Variants in TRAPPC5 observed in about 807,000 individuals in gnomAD.
TRAPPC5 encodes the protein trafficking protein particle complex subunit 5, also known as trafficking protein particle complex 5.
In TRAPPC5, 5 loss-of-function variants were observed where a neutral mutation model predicts 9.8. That is an observed-to-expected ratio of 0.51 (90% CI 0.27 to 1.07). TRAPPC5 has a LOEUF of 1.07. Among genes scored for constraint, TRAPPC5 ranks in the 50% least tolerant of loss-of-function variants. The probability of loss-of-function intolerance (pLI) is 0.12; values close to 1 mark genes in which losing one functional copy is unlikely to be tolerated. For synonymous variants in TRAPPC5, 146 were observed against 140.7 expected, an observed-to-expected ratio of 1.04 and a Z score of -0.26; for missense variants, 243 against 291.5, an observed-to-expected ratio of 0.83 and a Z score of 1.21.
rs771804921 is a variant in TRAPPC5 at position 7,682,215 on chromosome 19, C to T, written c.-12-27C>T. On this transcript the variant is annotated intron_variant, in intron 1 of 1. Coordinates refer to ENST00000596148, the MANE Select transcript of TRAPPC5 (RefSeq NM_001042462.2). This position sits in a 1 kb window ranked among gnomAD's most constrained non-coding sequence, Gnocchi z 8.6. ...CTGCTCCCCTTCCCATTGCCCCTGA[C>T]ACCTGCACTTCCTGGTCTCCCCGCA... is the stretch of plus-strand genomic sequence containing the variant. The T allele has an allele frequency of 1.9e-4, 259 of 1,377,890 alleles. No individual in the cohort carries two copies. Among genetic ancestry groups the T allele is most frequent in the Non-Finnish European group, 2.3e-4 (244 of 1,073,284 alleles). The allele number at this position is 1,377,890 out of a possible 1,614,324, so 85.4% of individuals were successfully genotyped here. A position where few individuals can be genotyped will look rare whatever the true frequency, so the allele number is the denominator to read the frequency against.
At position 7,682,225 on chromosome 19, in the gene TRAPPC5, T is replaced by G; in HGVS notation, c.-12-17T>G. 7.2e-7 allele frequency: 1 copy of G among 1,384,274 alleles called. No individual in the cohort carries two copies. Among genetic ancestry groups the G allele is most frequent in the South Asian group, 1.6e-5 (1 of 61,122 alleles). The allele number at this position is 1,384,274 out of a possible 1,614,324, so 85.7% of individuals were successfully genotyped here. A position where few individuals can be genotyped will look rare whatever the true frequency, so the allele number is the denominator to read the frequency against. On this transcript the variant is annotated splice_polypyrimidine_tract_variant and intron_variant, in intron 1 of 1. Transcript: ENST00000596148. The surrounding 1 kb of genome is among the most constrained non-coding windows in gnomAD (Gnocchi z 8.6). ...TCCCATTGCCCCTGACACCTGCACT[T>G]CCTGGTCTCCCCGCAGGGTGGCGGC...
At position 7,682,321 on chromosome 19, in the gene TRAPPC5, A is replaced by G. The variant is rs1398959489; in HGVS notation, c.68A>G (p.Glu23Gly). The G allele has an allele frequency of 2.0e-6, 3 of 1,529,194 alleles. No individual in the cohort carries two copies. Among genetic ancestry groups the G allele is most frequent in the East Asian group, 2.5e-5 (1 of 40,290 alleles). 94.7% of individuals were successfully genotyped at this position (1,529,194 alleles called of 1,614,324 possible). The change falls in exon 2 of 2, where the codon GAG becomes GGG. Residue 23 changes from glutamate (E) to glycine (G), a missense_variant. Glu to Gly is a moderately conservative substitution (Grantham distance 98). Coordinates refer to ENST00000596148, the MANE Select transcript of TRAPPC5 (RefSeq NM_001042462.2). The surrounding 1 kb of genome is among the most constrained non-coding windows in gnomAD (Gnocchi z 8.6). ...LERALARPRT[E>G]VSLSAFALLF... ...CGCGCGCTGGCGCGGCCGCGCACCG[A>G]GGTGAGCCTGAGCGCCTTCGCACTG...
rs961099124 is a variant in TRAPPC5, at chr19:7,687,608, G to A, written c.*4788G>A. 2 of 152,292 alleles carry A rather than the reference G, an allele frequency of 1.3e-5. No individual in the cohort carries two copies. The highest frequency in any genetic ancestry group is 6.5e-5 in the Admixed American group (1 of 15,286). 9.4% of individuals were successfully genotyped at this position (152,292 alleles called of 1,614,324 possible). On this transcript the variant is annotated 3_prime_UTR_variant, in exon 2 of 2. Coordinates refer to ENST00000596148, the MANE Select transcript of TRAPPC5 (RefSeq NM_001042462.2). ...GGGTGATCCACCGCCTTCCCCTACA[G>A]TATTCCAAGGGGCCATTGGACCTCA...
At position 7,686,562 on chromosome 19, in the gene TRAPPC5, A is replaced by C. The variant is rs1359792723; in HGVS notation, c.*3742A>C. The C allele has an allele frequency of 1.3e-5, 2 of 152,288 alleles. No homozygotes were observed. The highest frequency in any genetic ancestry group is 2.9e-5 in the Non-Finnish European group (2 of 68,132). The allele number at this position is 152,288 out of a possible 1,614,324, so 9.4% of individuals were successfully genotyped here. A position where few individuals can be genotyped will look rare whatever the true frequency, so the allele number is the denominator to read the frequency against. ...GAGATGGAGTCTCACTCTGTCGCCC[A>C]GGCTGGAGTGCAGTGGTGCGATCTC... On this transcript the variant is annotated 3_prime_UTR_variant, in exon 2 of 2. Coordinates refer to ENST00000596148, the MANE Select transcript of TRAPPC5 (RefSeq NM_001042462.2).
chr19:7,682,221 C>A lies in TRAPPC5; in HGVS notation c.-12-21C>A. The A allele has an allele frequency of 7.2e-7, 1 of 1,382,212 alleles. No homozygotes were observed. Among genetic ancestry groups the A allele is most frequent in the Non-Finnish European group, 9.3e-7 (1 of 1,075,892 alleles). The allele number at this position is 1,382,212 out of a possible 1,614,324, so 85.6% of individuals were successfully genotyped here. ...CCCTTCCCATTGCCCCTGACACCTG[C>A]ACTTCCTGGTCTCCCCGCAGGGTGG... On this transcript the variant is annotated intron_variant, in intron 1 of 1. Coordinates refer to ENST00000596148, the MANE Select transcript of TRAPPC5 (RefSeq NM_001042462.2). This position sits in a 1 kb window ranked among gnomAD's most constrained non-coding sequence, Gnocchi z 8.6.
rs2032647516 is a variant in TRAPPC5 at position 7,682,187 on chromosome 19, G to A, written c.-12-55G>A. On this transcript the variant is annotated intron_variant, in intron 1 of 1. Transcript: ENST00000596148. This position sits in a 1 kb window ranked among gnomAD's most constrained non-coding sequence, Gnocchi z 8.6. ...TCGCGGTTCTCCCTCCTTTCCTCCC[G>A]GCCTGCTCCCCTTCCCATTGCCCCT... 2.2e-6 allele frequency: 3 copies of A among 1,342,244 alleles called. No individual in the cohort carries two copies. Among genetic ancestry groups the A allele is most frequent in the African/African-American group, 1.5e-5 (1 of 64,632 alleles). 83.1% of individuals were successfully genotyped at this position (1,342,244 alleles called of 1,614,324 possible).
rs1359493011 is a variant in TRAPPC5, at chr19:7,681,042, G to C, written c.-13+164G>C. The C allele has an allele frequency of 6.6e-6, 1 of 152,274 alleles. No individual in the cohort carries two copies. Among genetic ancestry groups the C allele is most frequent in the East Asian group, 1.9e-4 (1 of 5,172 alleles). 9.4% of individuals were successfully genotyped at this position (152,274 alleles called of 1,614,324 possible). A position where few individuals can be genotyped will look rare whatever the true frequency, so the allele number is the denominator to read the frequency against. On this transcript the variant is annotated intron_variant, in intron 1 of 1. Transcript: ENST00000596148. This position sits in a 1 kb window ranked among gnomAD's most constrained non-coding sequence, Gnocchi z 8.7. ...TGCGAGGAGGGTGGGTTTCTCCCCA[G>C]TGTAGAGGTACGGGGCGAGGGTCGC...
rs181528492 is a variant in TRAPPC5 at position 7,686,584 on chromosome 19, T to C, written c.*3764T>C. 1,153 of 151,632 alleles carry C rather than the reference T, an allele frequency of 7.6e-3. 5 individuals are homozygous for C. Among genetic ancestry groups the C allele is most frequent in the Non-Finnish European group, 0.013 (876 of 67,946 alleles). 9.4% of individuals were successfully genotyped at this position (151,632 alleles called of 1,614,324 possible). A position where few individuals can be genotyped will look rare whatever the true frequency, so the allele number is the denominator to read the frequency against. On this transcript the variant is annotated 3_prime_UTR_variant, in exon 2 of 2. Coordinates refer to ENST00000596148, the MANE Select transcript of TRAPPC5 (RefSeq NM_001042462.2). ...CCCAGGCTGGAGTGCAGTGGTGCGA[T>C]CTCAGATCTCAGCCTCCTGGGTTCA...
At position 7,682,970 on chromosome 19, in the gene TRAPPC5, G is replaced by A; in HGVS notation, c.*150G>A. ...GTCCGAATGTGTTTACAGTAGAGTG[G>A]GGGCGGGTCTGGCCATAGGGTTGGG... On this transcript the variant is annotated 3_prime_UTR_variant, in exon 2 of 2. Coordinates refer to ENST00000596148, the MANE Select transcript of TRAPPC5 (RefSeq NM_001042462.2). This position sits in a 1 kb window ranked among gnomAD's most constrained non-coding sequence, Gnocchi z 8.6. 1 of 883,356 alleles carries A rather than the reference G, an allele frequency of 1.1e-6. No individual in the cohort carries two copies. Among genetic ancestry groups the A allele is most frequent in the Non-Finnish European group, 1.7e-6 (1 of 583,630 alleles). The allele number at this position is 883,356 out of a possible 1,614,324, so 54.7% of individuals were successfully genotyped here.
rs2032736134 is a variant in TRAPPC5 at position 7,687,467 on chromosome 19, G to C, written c.*4647G>C. The C allele has an allele frequency of 6.6e-6, 1 of 152,612 alleles. No homozygotes were observed. 9.5% of individuals were successfully genotyped at this position (152,612 alleles called of 1,614,324 possible). ...TCCAGACCCGAAATGGCCTCCGGTT[G>C]ACCGGGCCCACTCCCCATCAGCCTG... On this transcript the variant is annotated 3_prime_UTR_variant, in exon 2 of 2. Transcript: ENST00000596148.
In TRAPPC5 at chr19:7,685,277, GA is replaced by G. The variant is rs112880261; in HGVS notation, c.*2466del. 0.042 allele frequency: 6,357 copies of G among 150,444 alleles called. 445 individuals carry two copies. The highest frequency in any genetic ancestry group is 0.15 in the African/African-American group (5,980 of 41,024). The allele number at this position is 150,444 out of a possible 1,614,324, so 9.3% of individuals were successfully genotyped here. A position where few individuals can be genotyped will look rare whatever the true frequency, so the allele number is the denominator to read the frequency against. On this transcript the variant is annotated 3_prime_UTR_variant, in exon 2 of 2. Coordinates refer to ENST00000596148, the MANE Select transcript of TRAPPC5 (RefSeq NM_001042462.2). ...CAGAGTGAGACCCTGTCTTAAAAAA[GA>G]AAAAAAAAGTAATGTATTACACCTC...
In TRAPPC5 at chr19:7,681,630, C is replaced by T. The variant is rs148223299; in HGVS notation, c.-12-612C>T. Among the ~76,000 whole-genome samples the T allele has an allele frequency of 8.8e-3, 1,333 of 152,100 alleles. 18 individuals are homozygous for T. The highest frequency in any genetic ancestry group is 0.03 in the African/African-American group (1,251 of 41,490). On this transcript the variant is annotated intron_variant, in intron 1 of 1. Transcript: ENST00000596148. The surrounding 1 kb of genome is among the most constrained non-coding windows in gnomAD (Gnocchi z 8.7). Reference sequence around the variant, plus strand: ...CCTCCTGCCTGGCCCCACGGATCCCCCCTGTTAAAGCCCCCAACCCTCCTG... The same window carrying T: ...CCTCCTGCCTGGCCCCACGGATCCCTCCTGTTAAAGCCCCCAACCCTCCTG...
rs1278170209 is a variant in TRAPPC5 at position 7,687,393 on chromosome 19, T to C, written c.*4573T>C. 1 of 152,120 alleles carries C rather than the reference T, an allele frequency of 6.6e-6. No homozygotes were observed. The highest frequency in any genetic ancestry group is 1.5e-5 in the Non-Finnish European group (1 of 68,144). 9.4% of individuals were successfully genotyped at this position (152,120 alleles called of 1,614,324 possible). A position where few individuals can be genotyped will look rare whatever the true frequency, so the allele number is the denominator to read the frequency against. On this transcript the variant is annotated 3_prime_UTR_variant, in exon 2 of 2. Coordinates refer to ENST00000596148, the MANE Select transcript of TRAPPC5 (RefSeq NM_001042462.2). ...GGCATGGGTCGACCTTGGCCGAGCG[T>C]GAGGCTGGTGCCACCTCAGCCTCCC...
Position 7,682,451 on chromosome 19 carries a change from G to A in TRAPPC5, c.198G>A (p.Leu66=). The change falls in exon 2 of 2, where the codon CTG becomes CTA. Residue 66 remains leucine, a synonymous_variant. Transcript: ENST00000596148. The surrounding 1 kb of genome is among the most constrained non-coding windows in gnomAD (Gnocchi z 8.6). ...GCCGCCAGGTGGGCGCGCGCGTGCT[G>A]GATGCGCTGGTGGCGCGCGAAAAGG... The part of the protein sequence containing the change: ...ALGRQVGARV[L]DALVAREKGA... 6.2e-7 allele frequency: 1 copy of A among 1,608,510 alleles called. No individual in the cohort carries two copies. The highest frequency in any genetic ancestry group is 8.5e-7 in the Non-Finnish European group (1 of 1,177,734).
chr19:7,682,397 C>T lies in TRAPPC5; in HGVS notation c.144C>T (p.Ala48=), dbSNP rs764826107. ...QHCQSRVFSV[A]ELQSRLAALG... is the part of the protein sequence containing the mutation. ...GCCAGAGCCGCGTCTTCTCCGTGGC[C>T]GAGCTGCAGTCGCGCCTGGCCGCGC... Residue 48 remains alanine, a synonymous_variant, in exon 2 of 2, where the codon GCC becomes GCT. Coordinates refer to ENST00000596148, the MANE Select transcript of TRAPPC5 (RefSeq NM_001042462.2). The surrounding 1 kb of genome is among the most constrained non-coding windows in gnomAD (Gnocchi z 8.6). 1.9e-6 allele frequency: 3 copies of T among 1,579,156 alleles called. No homozygotes were observed. Among genetic ancestry groups the T allele is most frequent in the South Asian group, 1.1e-5 (1 of 87,516 alleles).
rs1209684420 is a variant in TRAPPC5 at position 7,681,119 on chromosome 19, G to C, written c.-13+241G>C. On this transcript the variant is annotated intron_variant, in intron 1 of 1. Transcript: ENST00000596148. This position sits in a 1 kb window ranked among gnomAD's most constrained non-coding sequence, Gnocchi z 8.7. The stretch of plus-strand genomic sequence containing the variant: ...CTCACTTCAGCCCCCATCGCAGCCC[G>C]GTGGTGGGGTCTTAACGATCCCTCT... 1 of 152,284 alleles carries C rather than the reference G, an allele frequency of 6.6e-6. No individual in the cohort carries two copies. Among genetic ancestry groups the C allele is most frequent in the African/African-American group, 2.4e-5 (1 of 41,436 alleles). The allele number at this position is 152,284 out of a possible 1,614,324, so 9.4% of individuals were successfully genotyped here.
Position 7,681,239 on chromosome 19 carries a change from C to G in TRAPPC5, c.-13+361C>G, listed in dbSNP as rs528793000. On this transcript the variant is annotated intron_variant, in intron 1 of 1. Transcript: ENST00000596148. This position sits in a 1 kb window ranked among gnomAD's most constrained non-coding sequence, Gnocchi z 8.7. ...CCTGGGACACCCCTCCCCGCTGGTT[C>G]TCCCACCTCCCACGCAGACCTCGTT... Among the ~76,000 whole-genome samples, 3 of 152,246 alleles carry G rather than the reference C, an allele frequency of 2.0e-5. No individual in the cohort carries two copies. The highest frequency in any genetic ancestry group is 4.8e-5 in the African/African-American group (2 of 41,548).
rs1247905528 is a variant in TRAPPC5 at position 7,683,344 on chromosome 19, C to G, written c.*524C>G. The stretch of plus-strand genomic sequence containing the variant: ...ACGTGATTCTCCTGCCTCAGCTTCC[C>G]AAGTAGCTGGGATTACAGGTGCCTC... On this transcript the variant is annotated 3_prime_UTR_variant, in exon 2 of 2. Transcript: ENST00000596148. 1.3e-5 allele frequency: 2 copies of G among 152,482 alleles called. No individual in the cohort carries two copies. Among genetic ancestry groups the G allele is most frequent in the Admixed American group, 1.3e-4 (2 of 15,284 alleles). The allele number at this position is 152,482 out of a possible 1,614,324, so 9.4% of individuals were successfully genotyped here. A position where few individuals can be genotyped will look rare whatever the true frequency, so the allele number is the denominator to read the frequency against.
At position 7,681,842 on chromosome 19, in the gene TRAPPC5, G is replaced by A. The variant is rs974975512; in HGVS notation, c.-12-400G>A. 6.6e-6 allele frequency among the ~76,000 whole-genome samples: 1 copy of A among 151,944 alleles called. No individual in the cohort carries two copies. The highest frequency in any genetic ancestry group is 1.5e-5 in the Non-Finnish European group (1 of 67,972). Reference sequence around the variant, plus strand: ...GTCACCTCCCTGCCCTAGATCTGACGCCCCTCCCCCCATACACTAGTTTTC... The same window carrying A: ...GTCACCTCCCTGCCCTAGATCTGACACCCCTCCCCCCATACACTAGTTTTC... On this transcript the variant is annotated intron_variant, in intron 1 of 1. Transcript: ENST00000596148. This position sits in a 1 kb window ranked among gnomAD's most constrained non-coding sequence, Gnocchi z 8.7.
Sources: gnomAD v4.1 joint callset for allele counts (sites outside exome capture counted in the v4.1 genomes callset) on GRCh38, gnomAD v4.1.1 for gene constraint, Gnocchi (gnomAD v3.1) non-coding constraint, MANE v1.5 for transcripts, NCBI Gene and HGNC (gene_info 2026-07-23, HGNC 2026-07-21) for gene names.